Variants in FAAH2 observed in about 807,000 individuals in gnomAD.
The protein encoded by FAAH2 is fatty acid amide hydrolase 2.
Under a neutral mutation model 36.9 loss-of-function variants are expected in FAAH2, and 60 were observed. The ratio of observed to expected loss-of-function variants is 1.63; its 90% confidence interval spans 1.32 to 2.02. FAAH2 has a LOEUF of 2.02. FAAH2 is among the 30% of genes most tolerant of loss of function. The probability of loss-of-function intolerance (pLI) is 0.00; values close to 1 mark genes in which losing one functional copy is unlikely to be tolerated. For synonymous variants in FAAH2, 214 were observed against 143.8 expected, an observed-to-expected ratio of 1.49 and a Z score of -3.49; for missense variants, 689 against 397.5, an observed-to-expected ratio of 1.73 and a Z score of -6.23.
At chrX:57,181,244 TCAGGCAAGAGA>T in the FAAH2 span, among the ~76,000 whole-genome samples, 1 of 110,670 alleles carries the variant, frequency 9.0e-6, no homozygotes, top group East Asian at 2.8e-4. Context: ...GCCAGAGCAA[TCAGGCAAGAGA>T]AAGAAATAAA....
intron 3 of FAAH2, among the ~76,000 whole-genome samples, chrX:57,311,894 G>A (rs962287965): frequency 8.9e-6 from 1 of 112,133 alleles, no homozygotes; most frequent in Non-Finnish European, 1.9e-5. Flanking sequence ...CGTGCTACTT[G>A]AGAGTAAGGA....
upstream of FAAH2, among the ~76,000 whole-genome samples, chrX:57,281,779 C>T (rs1434067822): frequency 9.0e-6 from 1 of 111,345 alleles, no homozygotes; most frequent in Non-Finnish European, 1.9e-5. Context: ...GCCATATGTC[C>T]TCATTGTTTA....
chrX:57,273,019 C>T, the FAAH2 span, among the ~76,000 whole-genome samples: 16 of 111,611 alleles, frequency 1.4e-4, no homozygotes, highest in Admixed American at 1.5e-3. Flanking sequence ...AGAAGATCTA[C>T]CTCATGTGCA....
At chrX:57,356,986 G>C (rs2054173095) in intron 5 of FAAH2, among the ~76,000 whole-genome samples, 1 of 110,616 alleles carries the variant, frequency 9.0e-6, no homozygotes, top group Non-Finnish European at 1.9e-5. Context: ...TCCTCTCACT[G>C]TGTCCATGTG....
the FAAH2 span, among the ~76,000 whole-genome samples, chrX:57,220,937 G>A: frequency 8.9e-6 from 1 of 112,030 alleles, no homozygotes; most frequent in African/African-American, 3.2e-5. Flanking sequence ...AGACACCCTG[G>A]CAACTACCTT....
chrX:57,437,541 A>C (rs1054889762), intron 8 of FAAH2, among the ~76,000 whole-genome samples: 3 of 109,859 alleles, frequency 2.7e-5, no homozygotes, highest in African/African-American at 9.9e-5. Context: ...GTTTCAGGAT[A>C]CAAAATACAT....
At chrX:57,354,143 T>C (rs1280819063) in intron 5 of FAAH2, among the ~76,000 whole-genome samples, 1 of 111,100 alleles carries the variant, frequency 9.0e-6, no homozygotes, top group Non-Finnish European at 1.9e-5. Flanking sequence ...CACTTGTATG[T>C]TTATACAGCA....
chrX:57,452,309 C>G, intron 10 of FAAH2: 1 of 754,537 alleles, frequency 1.3e-6, no homozygotes, highest in Non-Finnish European at 1.6e-6. Context: ...ATTTATATGT[C>G]AGGTTTGGCA....
At chrX:57,204,730 G>T in the FAAH2 span, among the ~76,000 whole-genome samples, 2 of 112,321 alleles carry the variant, frequency 1.8e-5, no homozygotes, top group South Asian at 3.7e-4. Context: ...TTGGCCTTTA[G>T]ACAGGCTCAA....
intron 2 of FAAH2, among the ~76,000 whole-genome samples, chrX:57,307,824 T>C (rs1208102294): frequency 9.0e-6 from 1 of 110,896 alleles, no homozygotes; most frequent in Non-Finnish European, 1.9e-5. Flanking sequence ...GTGTCTATTG[T>C]TGCTATCTTT....
the FAAH2 span, chrX:57,127,109 C>A: frequency 9.0e-6 from 1 of 111,241 alleles, no homozygotes. Context: ...TTTTCTGTTA[C>A]TTGCAGTTGA....
intron 3 of FAAH2, among the ~76,000 whole-genome samples, chrX:57,316,494 C>T (rs757229682): frequency 9.0e-6 from 1 of 111,574 alleles, no homozygotes; most frequent in African/African-American, 3.3e-5. Context: ...CTACAGTCAC[C>T]AAAACAGCAT....
At chrX:57,244,483 G>T in the FAAH2 span, among the ~76,000 whole-genome samples, 1 of 111,646 alleles carries the variant, frequency 9.0e-6, no homozygotes, top group Non-Finnish European at 1.9e-5. Context: ...AAAATTATCA[G>T]GTCAGCCAGA....
chrX:57,223,192 A>G, the FAAH2 span, among the ~76,000 whole-genome samples: 1 of 111,952 alleles, frequency 8.9e-6, no homozygotes, highest in Admixed American at 9.4e-5. Context: ...AGTTGCCATC[A>G]TTTATTGCAG....
At chrX:57,424,038 A>G (rs1434076043) in intron 7 of FAAH2, among the ~76,000 whole-genome samples, 1 of 111,512 alleles carries the variant, frequency 9.0e-6, no homozygotes, top group African/African-American at 3.3e-5. Flanking sequence ...TGCTGCCTTC[A>G]TTGCCCACAC....
intron 7 of FAAH2, among the ~76,000 whole-genome samples, chrX:57,429,349 A>AG (rs1242579149): frequency 9.1e-6 from 1 of 109,809 alleles, no homozygotes; most frequent in Non-Finnish European, 1.9e-5. Context: ...AAAAAAAAAA[A>AG]AAAAAAATTC....
intron 7 of FAAH2, among the ~76,000 whole-genome samples, chrX:57,416,839 T>A (rs2055858553): frequency 8.9e-6 from 1 of 112,291 alleles, no homozygotes; most frequent in African/African-American, 3.2e-5. Context: ...TTGGTTCCAT[T>A]CTCTCTGTCA....
At chrX:57,374,235 C>A (rs775597686) in intron 5 of FAAH2, among the ~76,000 whole-genome samples, 2 of 111,342 alleles carry the variant, frequency 1.8e-5, no homozygotes, top group Non-Finnish European at 3.8e-5. Flanking sequence ...GGGAATTTTT[C>A]TAGTTCTGTG....
the FAAH2 span, among the ~76,000 whole-genome samples, chrX:57,160,652 T>A: frequency 1.8e-5 from 2 of 112,277 alleles, no homozygotes; most frequent in African/African-American, 6.5e-5. Flanking sequence ...TATTCTCTGA[T>A]AGTAGTTTGT....
Sources: gnomAD v4.1 joint callset for allele counts (sites outside exome capture counted in the v4.1 genomes callset) on GRCh38, gnomAD v4.1.1 for gene constraint, MANE v1.5 for transcripts, NCBI Gene and HGNC (gene_info 2026-07-23, HGNC 2026-07-21) for gene names.